TTC23L: variants seen among roughly 807,000 people sequenced by gnomAD.
TTC23L encodes tetratricopeptide repeat domain 23 like.
A neutral mutation model predicts 48.1 loss-of-function variants in TTC23L; 42 were observed. The observed-to-expected ratio is 0.87, with a 90% CI of 0.68 to 1.13. The LOEUF (loss-of-function observed/expected upper bound fraction) is 1.13, where lower values mean the gene tolerates loss of function less well. Among genes scored for constraint, TTC23L ranks in the 50% most tolerant of loss-of-function variants. The probability of loss-of-function intolerance (pLI) is 0.00; values close to 1 mark genes in which losing one functional copy is unlikely to be tolerated. For synonymous variants in TTC23L, 159 were observed against 157.2 expected (o/e 1.01, Z -0.09); for missense variants, 391 against 421.0 (o/e 0.93, Z 0.62).
intron 9 of TTC23L, among the ~76,000 whole-genome samples, chr5:34,888,875 A>G (rs1411866870): frequency 6.6e-6 from 1 of 152,248 alleles, no homozygotes; most frequent in Non-Finnish European, 1.5e-5. Flanking sequence ...AAAGTAAATG[A>G]GTACCTTAAA....
intron 9 of TTC23L, among the ~76,000 whole-genome samples, chr5:34,894,362 CT>C (rs1580492874): frequency 1.3e-5 from 2 of 152,094 alleles, no homozygotes; most frequent in Admixed American, 1.3e-4. Context: ...TGATGTAGAG[CT>C]TTAAGTGTCA....
intron 4 of TTC23L, among the ~76,000 whole-genome samples, chr5:34,852,024 GT>G (rs1287129471): frequency 6.6e-6 from 1 of 152,092 alleles, no homozygotes; most frequent in African/African-American, 2.4e-5. Context: ...ATGAGAATAG[GT>G]TTATCAAGTA....
intron 6 of TTC23L, among the ~76,000 whole-genome samples, chr5:34,865,367 G>C (rs902691469): frequency 6.6e-6 from 1 of 152,178 alleles, no homozygotes; most frequent in African/African-American, 2.4e-5. Flanking sequence ...AAGTCAGATG[G>C]GAAATGGGGA....
At chr5:34,909,369 A>AGGTAATCAT in the TTC23L span, 2 of 1,530,330 alleles carry the variant, frequency 1.3e-6, no homozygotes, top group Non-Finnish European at 1.8e-6. Flanking sequence ...ATAGAAAATG[A>AGGTAATCAT]TTACCTCATT....
At chr5:34,897,326 G>A (rs1183832724) in intron 10 of TTC23L, among the ~76,000 whole-genome samples, 1 of 152,010 alleles carries the variant, frequency 6.6e-6, no homozygotes, top group African/African-American at 2.4e-5. Flanking sequence ...GGAGGTTGCA[G>A]TGAGCCGAGA....
the TTC23L span, chr5:34,925,041 A>G: frequency 6.4e-7 from 1 of 1,550,454 alleles, no homozygotes; most frequent in South Asian, 1.2e-5. Flanking sequence ...TGATTCTGTG[A>G]AGTAATTGCT....
intron 3 of TTC23L, among the ~76,000 whole-genome samples, chr5:34,849,309 G>A (rs1225683997): frequency 6.6e-6 from 1 of 152,144 alleles, no homozygotes; most frequent in Non-Finnish European, 1.5e-5. Flanking sequence ...TAGCCATGAA[G>A]TCGTTTTGTA....
At chr5:34,909,483 A>G in the TTC23L span, 2 of 567,246 alleles carry the variant, frequency 3.5e-6, no homozygotes, top group South Asian at 2.6e-5. Flanking sequence ...ACAAATGCTT[A>G]TAACACACGA....
intron 9 of TTC23L, among the ~76,000 whole-genome samples, chr5:34,891,416 A>G (rs1422979306): frequency 6.6e-6 from 1 of 152,198 alleles, no homozygotes; most frequent in Non-Finnish European, 1.5e-5. Flanking sequence ...AATCATGTCT[A>G]TAACATGCAT....
chr5:34,897,349 A>T (rs1351618086), intron 10 of TTC23L, among the ~76,000 whole-genome samples: 1 of 152,144 alleles, frequency 6.6e-6, no homozygotes, highest in Non-Finnish European at 1.5e-5. Context: ...GTGCCACTGC[A>T]CTACAGCCTG....
chr5:34,862,731 T>C lies in TTC23L; in HGVS notation c.380-167T>C, dbSNP rs193129103. On this transcript the variant is annotated intron_variant, in intron 4 of 10. Coordinates refer to ENST00000505624, the Ensembl canonical transcript of TTC23L. ...GAGTGGGGCCCAGGAACCTGTATTC[T>C]TTACAAGCATTTCCAATAATTCTGA... Among the ~76,000 whole-genome samples, 19 of 152,324 alleles carry C rather than the reference T, an allele frequency of 1.2e-4. No individual in the cohort carries two copies. In the East Asian group the frequency reaches 3.5e-3, roughly 28 times the overall value.
At chr5:34,862,753 CTGAT>C in intron 4 of TTC23L, 141 bp from the exon 5 acceptor site, 1 of 955,996 alleles carries the variant, frequency 1.0e-6, no homozygotes, top group Non-Finnish European at 1.5e-6. Context: ...TCCAATAATT[CTGAT>C]TCACAGCCAG....
intron 9 of TTC23L, among the ~76,000 whole-genome samples, chr5:34,886,373 A>AAAC (rs748060418): frequency 2.4e-4 from 37 of 151,922 alleles, no homozygotes; most frequent in Non-Finnish European, 5.0e-4. Flanking sequence ...TAAAAAAAAA[A>AAAC]AAAAAAAAAA....
the TTC23L span, among the ~76,000 whole-genome samples, chr5:34,917,477 C>CAA: frequency 1.6e-3 from 222 of 138,992 alleles, no homozygotes; most frequent in African/African-American, 5.5e-3. Flanking sequence ...ACTAACACTA[C>CAA]AAAAAAAAAA....
At chr5:34,840,339 C>G (rs749976863) in intron 1 of TTC23L, among the ~76,000 whole-genome samples, 21 of 151,042 alleles carry the variant, frequency 1.4e-4, no homozygotes, top group African/African-American at 2.0e-4. Context: ...GTCAGACCTG[C>G]AAAAACAATA....
the TTC23L span, chr5:34,918,330 T>C: frequency 8.8e-7 from 1 of 1,140,956 alleles, no homozygotes; most frequent in South Asian, 1.3e-5. Flanking sequence ...CAGTATAAGA[T>C]TTTAAAATCT....
intron 8 of TTC23L, among the ~76,000 whole-genome samples, chr5:34,875,565 A>G (rs1454305061): frequency 6.6e-6 from 1 of 151,886 alleles, no homozygotes; most frequent in African/African-American, 2.4e-5. Flanking sequence ...GATTGTACCC[A>G]CCCAGATTAA....
chr5:34,902,577 T>C (rs1442684728), downstream of TTC23L, among the ~76,000 whole-genome samples: 1 of 152,202 alleles, frequency 6.6e-6, no homozygotes, highest in African/African-American at 2.4e-5. Flanking sequence ...CTGTAAAATC[T>C]AAGAATCAAC....
chr5:34,883,817 TACCA>T (rs879701644), intron 9 of TTC23L, among the ~76,000 whole-genome samples: 9 of 152,220 alleles, frequency 5.9e-5, no homozygotes, highest in Non-Finnish European at 7.3e-5. Flanking sequence ...TGGTGAATTC[TACCA>T]AACATTTAAA....
Sources: allele counts gnomAD v4.1 joint callset (sites outside exome capture counted in the v4.1 genomes callset), GRCh38; gene constraint gnomAD v4.1.1; transcripts MANE v1.5; gene names NCBI Gene and HGNC (gene_info 2026-07-23, HGNC 2026-07-21).